Variants in DNAL1 observed in about 807,000 individuals in gnomAD.
DNAL1 encodes the protein chromosome 14 open reading frame 168.
A neutral mutation model predicts 29.4 loss-of-function variants in DNAL1; 17 were observed. The observed-to-expected ratio is 0.58, with a 90% CI of 0.40 to 0.87. The LOEUF (loss-of-function observed/expected upper bound fraction) is 0.87. Among genes scored for constraint, DNAL1 ranks in the 40% least tolerant of loss-of-function variants. DNAL1 has a pLI of 0.00. For missense variants in DNAL1, 188 were observed against 214.1 expected, an observed-to-expected ratio of 0.88 and a Z score of 0.76; for synonymous variants, 78 against 76.3, an observed-to-expected ratio of 1.02 and a Z score of -0.12.
At chr14:73,663,257 T>A (rs1891397264) in intron 4 of DNAL1, among the ~76,000 whole-genome samples, 1 of 148,652 alleles carries the variant, frequency 6.7e-6, no homozygotes, top group Non-Finnish European at 1.5e-5. Context: ...CCAGGCTGGA[T>A]TTCAGTGGTG....
chr14:73,683,815 C>G lies in DNAL1; in HGVS notation c.265-3444C>G, dbSNP rs140655789. Among the ~76,000 whole-genome samples, 881 of 152,184 alleles carry G rather than the reference C, an allele frequency of 5.8e-3. 15 individuals carry two copies. The highest frequency in any genetic ancestry group is 0.02 in the African/African-American group (841 of 41,498). On this transcript the variant is annotated intron_variant, in intron 5 of 7. Transcript: ENST00000553645. ...CTCCACCTTCCAGGTTCAAGCGATT[C>G]TCTTGCCTCTTCCTCCCAGGTAGCT...
At chr14:73,684,570 A>AATC (rs1566889690) in intron 5 of DNAL1, among the ~76,000 whole-genome samples, 1 of 152,264 alleles carries the variant, frequency 6.6e-6, no homozygotes, top group East Asian at 1.9e-4. Flanking sequence ...ACAGAGCAAT[A>AATC]ATCATCATCA....
At chr14:73,685,321 C>T (rs1488162067) in intron 5 of DNAL1, among the ~76,000 whole-genome samples, 1 of 152,068 alleles carries the variant, frequency 6.6e-6, no homozygotes, top group Non-Finnish European at 1.5e-5. Context: ...TCCGTCTTTA[C>T]GAATTTAACT....
At chr14:73,678,879 A>G (rs558921770) in intron 5 of DNAL1, among the ~76,000 whole-genome samples, 1 of 152,374 alleles carries the variant, frequency 6.6e-6, no homozygotes, top group East Asian at 1.9e-4. Flanking sequence ...TATGAAGTGT[A>G]GAAAAAGCAA....
intron 5 of DNAL1, among the ~76,000 whole-genome samples, chr14:73,679,128 C>G (rs1891814565): frequency 1.3e-5 from 2 of 152,094 alleles, no homozygotes; most frequent in South Asian, 4.1e-4. Flanking sequence ...TCCCAAGAAG[C>G]TAGGACTACA....
intron 5 of DNAL1, among the ~76,000 whole-genome samples, chr14:73,676,798 G>A (rs1230197064): frequency 6.6e-6 from 1 of 151,782 alleles, no homozygotes; most frequent in Non-Finnish European, 1.5e-5. Context: ...TACATGTGAT[G>A]GGATAGATTT....
chr14:73,694,564 C>T (rs1049921473), intron 7 of DNAL1, among the ~76,000 whole-genome samples: 4 of 151,824 alleles, frequency 2.6e-5, no homozygotes, highest in African/African-American at 9.7e-5. Context: ...CAGTGTATCC[C>T]CAATGTTCAG....
rs370703293 is a variant in DNAL1 at position 73,661,978 on chromosome 14, C to A, written c.153-9C>A. The A allele has an allele frequency of 6.5e-7, 1 of 1,534,866 alleles. No individual in the cohort carries two copies. Among genetic ancestry groups the A allele is most frequent in the South Asian group, 1.3e-5 (1 of 79,272 alleles). ...TTTCACATTAAATTTTTTCTTTGTT[C>A]TTTTAAAGGAAGCTTTCACTGTCTA... On this transcript the variant is annotated splice_polypyrimidine_tract_variant and intron_variant, in intron 3 of 7. Coordinates refer to ENST00000553645, the MANE Select transcript of DNAL1 (RefSeq NM_031427.4).
intron 5 of DNAL1, among the ~76,000 whole-genome samples, chr14:73,677,878 A>G (rs1012409753): frequency 3.7e-5 from 3 of 82,130 alleles, no homozygotes; most frequent in African/African-American, 1.2e-4. Flanking sequence ...ATATATATAT[A>G]TATATTTGTG....
At chr14:73,680,593 G>A (rs112153834) in intron 5 of DNAL1, among the ~76,000 whole-genome samples, 7 of 152,092 alleles carry the variant, frequency 4.6e-5, no homozygotes, top group African/African-American at 1.7e-4. Context: ...GTTGTGTAAT[G>A]ATCAAACCAA....
chr14:73,672,590 A>AG (rs1469874801), intron 5 of DNAL1, among the ~76,000 whole-genome samples: 2 of 131,260 alleles, frequency 1.5e-5, no homozygotes, highest in Non-Finnish European at 3.2e-5. Flanking sequence ...CCTGGGTGAC[A>AG]GAGCGAGACT....
intron 5 of DNAL1, among the ~76,000 whole-genome samples, chr14:73,685,537 C>T (rs573139610): frequency 1.1e-4 from 17 of 148,338 alleles, no homozygotes; most frequent in African/African-American, 4.2e-4. Flanking sequence ...TTGGCTCGTT[C>T]CAACCTCTAC....
intron 5 of DNAL1, among the ~76,000 whole-genome samples, chr14:73,673,745 T>A (rs1891665860): frequency 6.6e-6 from 1 of 151,592 alleles, no homozygotes; most frequent in Non-Finnish European, 1.5e-5. Context: ...AAAAAGAAAT[T>A]AGCCAGGCAT....
chr14:73,686,995 G>A (rs940011987), intron 5 of DNAL1, among the ~76,000 whole-genome samples: 1 of 149,248 alleles, frequency 6.7e-6, no homozygotes, highest in Non-Finnish European at 1.5e-5. Context: ...TATTAGTAAC[G>A]TATTATGTTT....
chr14:73,647,879 T>C (rs968145789), intron 1 of DNAL1, among the ~76,000 whole-genome samples: 2 of 152,074 alleles, frequency 1.3e-5, no homozygotes, highest in African/African-American at 2.4e-5. Flanking sequence ...CGTCATAGGG[T>C]CTATGTATAC....
At position 73,689,481 on chromosome 14, in the gene DNAL1, A is replaced by C; in HGVS notation, c.498A>C (p.Ala166=). ...HSAENNWIEE[A]TKRVPKLKKL... Reference sequence around the variant, plus strand: ...CTGAGAATAACTGGATTGAAGAAGCAACCAAGAGAGTGCCCAAACTGAAAA... The same window carrying C: ...CTGAGAATAACTGGATTGAAGAAGCCACCAAGAGAGTGCCCAAACTGAAAA... Residue 166 remains alanine (A), a synonymous_variant, in exon 7 of 8, where the codon GCA becomes GCC. Coordinates refer to ENST00000553645, the MANE Select transcript of DNAL1 (RefSeq NM_031427.4). 6.3e-7 allele frequency: 1 copy of C among 1,585,224 alleles called. No individual in the cohort carries two copies. Among genetic ancestry groups the C allele is most frequent in the African/African-American group, 1.3e-5 (1 of 74,508 alleles).
chr14:73,647,030 C>A (rs1017749979), intron 1 of DNAL1, among the ~76,000 whole-genome samples: 3 of 151,940 alleles, frequency 2.0e-5, no homozygotes, highest in Non-Finnish European at 2.9e-5. Flanking sequence ...GATGATATTT[C>A]ACATTAAAAC....
chr14:73,646,295 A>G (rs1890975797), intron 1 of DNAL1, among the ~76,000 whole-genome samples: 1 of 152,258 alleles, frequency 6.6e-6, no homozygotes, highest in Non-Finnish European at 1.5e-5. Flanking sequence ...ATACATTCTA[A>G]CAAACACATT....
At position 73,701,864 on chromosome 14, in the gene DNAL1, A is replaced by C. The variant is rs1892443911; in HGVS notation, c.*5922A>C. 6.6e-6 allele frequency: 1 copy of C among 152,198 alleles called. No individual in the cohort carries two copies. The highest frequency in any genetic ancestry group is 6.5e-5 in the Admixed American group (1 of 15,274). 9.4% of individuals were successfully genotyped at this position (152,198 alleles called of 1,614,324 possible). Reference sequence around the variant, plus strand: ...GACTTTATGACTAAACTTATTGTGAATTAAGTTATTTAGAAATGTTGAGTT... The same window carrying C: ...GACTTTATGACTAAACTTATTGTGACTTAAGTTATTTAGAAATGTTGAGTT... On this transcript the variant is annotated 3_prime_UTR_variant, in exon 8 of 8. Coordinates refer to ENST00000553645, the MANE Select transcript of DNAL1 (RefSeq NM_031427.4).
Sources: gnomAD v4.1 joint callset for allele counts (sites outside exome capture counted in the v4.1 genomes callset) on GRCh38, gnomAD v4.1.1 for gene constraint, MANE v1.5 for transcripts, NCBI Gene and HGNC (gene_info 2026-07-23, HGNC 2026-07-21) for gene names.